Variants in KCNK2 observed in about 807,000 individuals in gnomAD.
KCNK2 encodes potassium two pore domain channel subfamily K member 2.
KCNK2 carries 21 observed loss-of-function variants against 40.5 expected under a neutral mutation model. The observed-to-expected ratio is 0.52, with a 90% CI of 0.37 to 0.75. The LOEUF (loss-of-function observed/expected upper bound fraction) is 0.75, where lower values mean the gene tolerates loss of function less well. Among genes scored for constraint, KCNK2 ranks in the 30% least tolerant of loss-of-function variants. KCNK2 has a pLI of 0.00. For synonymous variants in KCNK2, 191 were observed against 202.2 expected, an observed-to-expected ratio of 0.94 and a Z score of 0.47; for missense variants, 399 against 531.6, an observed-to-expected ratio of 0.75 and a Z score of 2.45.
intron 1 of KCNK2, among the ~76,000 whole-genome samples, chr1:215,037,716 T>A (rs1363793438): frequency 6.6e-6 from 1 of 151,950 alleles, no homozygotes; most frequent in East Asian, 1.9e-4. Flanking sequence ...TAATAATGAA[T>A]ATTAAGATAG....
At chr1:215,140,277 C>G (rs1233424480) in intron 3 of KCNK2, among the ~76,000 whole-genome samples, 4 of 152,210 alleles carry the variant, frequency 2.6e-5, no homozygotes, top group Non-Finnish European at 4.4e-5. Flanking sequence ...CAAGGTGATT[C>G]AGTCATCTAA....
chr1:215,230,752 C>A (rs1666627627), intron 6 of KCNK2, among the ~76,000 whole-genome samples: 1 of 151,518 alleles, frequency 6.6e-6, no homozygotes, highest in South Asian at 2.1e-4. Flanking sequence ...AGGTGAGGCT[C>A]CCATTCATCC....
chr1:215,111,214 T>C (rs141821811), intron 2 of KCNK2, among the ~76,000 whole-genome samples: 2 of 152,240 alleles, frequency 1.3e-5, no homozygotes, highest in Non-Finnish European at 2.9e-5. Context: ...ATGTCTTTTA[T>C]TTCTTTTTCT....
intron 1 of KCNK2, among the ~76,000 whole-genome samples, chr1:215,056,375 A>G (rs1320404990): frequency 2.0e-5 from 3 of 150,992 alleles, no homozygotes; most frequent in Non-Finnish European, 4.4e-5. Flanking sequence ...CACTAAAAAT[A>G]AAAGAAAACT....
chr1:215,146,643 C>A (rs1490278718), intron 3 of KCNK2, among the ~76,000 whole-genome samples: 1 of 152,186 alleles, frequency 6.6e-6, no homozygotes, highest in Non-Finnish European at 1.5e-5. Flanking sequence ...AATGGCATGT[C>A]CCAAACCAGA....
chr1:215,156,695 G>A (rs1298796937), intron 3 of KCNK2, among the ~76,000 whole-genome samples: 1 of 152,132 alleles, frequency 6.6e-6, no homozygotes, highest in Non-Finnish European at 1.5e-5. Context: ...AGCATGACTG[G>A]GATGCCTCAG....
At chr1:215,084,523 A>G (rs1023013667) in intron 1 of KCNK2, among the ~76,000 whole-genome samples, 1 of 152,198 alleles carries the variant, frequency 6.6e-6, no homozygotes, top group Non-Finnish European at 1.5e-5. Context: ...ACTCAGACTC[A>G]CTAAGCAGCT....
At chr1:215,200,059 T>C (rs1389097273) in intron 6 of KCNK2, among the ~76,000 whole-genome samples, 1 of 152,190 alleles carries the variant, frequency 6.6e-6, no homozygotes, top group Admixed American at 6.5e-5. Flanking sequence ...CCACAGTGAA[T>C]TGATAGGCAA....
intron 2 of KCNK2, among the ~76,000 whole-genome samples, chr1:215,104,897 A>G (rs946935950): frequency 6.6e-6 from 1 of 152,036 alleles, no homozygotes; most frequent in African/African-American, 2.4e-5. Context: ...ATATTCTTTC[A>G]TAACCTGATT....
intron 1 of KCNK2, among the ~76,000 whole-genome samples, chr1:215,048,829 A>G (rs1230317781): frequency 6.6e-6 from 1 of 152,190 alleles, no homozygotes; most frequent in Non-Finnish European, 1.5e-5. Flanking sequence ...GTTTGCATGT[A>G]TCAATAGCTT....
intron 2 of KCNK2, among the ~76,000 whole-genome samples, chr1:215,106,732 A>C (rs985178037): frequency 1.3e-5 from 2 of 152,078 alleles, no homozygotes; most frequent in African/African-American, 4.8e-5. Context: ...TTTACTTTTA[A>C]CATTTTAATC....
At chr1:215,194,166 A>G (rs1036816413) in intron 5 of KCNK2, among the ~76,000 whole-genome samples, 5 of 152,196 alleles carry the variant, frequency 3.3e-5, no homozygotes, top group Non-Finnish European at 7.3e-5. Context: ...ATGCCCCCAT[A>G]TTAATGGGGT....
chr1:215,101,662 C>T (rs1660225339), intron 2 of KCNK2, among the ~76,000 whole-genome samples: 2 of 151,940 alleles, frequency 1.3e-5, no homozygotes, highest in African/African-American at 4.8e-5. Context: ...TAGGCAAATA[C>T]AGTCTCATGC....
chr1:215,236,045 A>ATCTATCTATC lies in KCNK2; in HGVS notation c.*900_*901insTCTATCTATC, dbSNP rs1666868480. ...TACATTTTTAAAGGCAGAAGAAGAAAATCTATCTATCTATCTATCTATCTA... is the reference window on the plus strand; with the variant it reads ...TACATTTTTAAAGGCAGAAGAAGAAATCTATCTATCATCTATCTATCTATCTATCTATCTA... On this transcript the variant is annotated 3_prime_UTR_variant, in exon 7 of 7. Coordinates refer to ENST00000444842, the MANE Select transcript of KCNK2 (RefSeq NM_001017425.3). The ATCTATCTATC allele has an allele frequency of 6.9e-6, 1 of 144,404 alleles. No homozygotes were observed. Among genetic ancestry groups the ATCTATCTATC allele is most frequent in the East Asian group, 2.0e-4 (1 of 4,956 alleles). The allele number at this position is 144,404 out of a possible 1,614,324, so 8.9% of individuals were successfully genotyped here. A position where few individuals can be genotyped will look rare whatever the true frequency, so the allele number is the denominator to read the frequency against.
At chr1:215,139,447 A>C (rs555865097) in intron 3 of KCNK2, among the ~76,000 whole-genome samples, 1 of 152,320 alleles carries the variant, frequency 6.6e-6, no homozygotes, top group East Asian at 1.9e-4. Context: ...CATGAATCCC[A>C]TGTTGATGAC....
rs973850325 is a variant in KCNK2 at position 215,074,801 on chromosome 1, C to T, written c.35-11567C>T. 2.8e-4 allele frequency among the ~76,000 whole-genome samples: 42 copies of T among 152,124 alleles called. 1 individual carries two copies. Among genetic ancestry groups the T allele is most frequent in the Admixed American group, 6.6e-5 (1 of 15,264 alleles). On this transcript the variant is annotated intron_variant, in intron 1 of 6. Transcript: ENST00000391895. ...TGCCAGAGGTAAGAAACGTTGAAGTCTAAATATGCTGTGTTCATTTCCTAG... is the reference window on the plus strand; with the variant it reads ...TGCCAGAGGTAAGAAACGTTGAAGTTTAAATATGCTGTGTTCATTTCCTAG...
At chr1:215,093,322 TATATACATATATTAA>T (rs1226244306) in intron 2 of KCNK2, among the ~76,000 whole-genome samples, 3 of 144,060 alleles carry the variant, frequency 2.1e-5, no homozygotes, top group Non-Finnish European at 4.5e-5. Context: ...AACATGAATA[TATATACATATATTAA>T]ATATACATAT....
chr1:215,067,336 C>T (rs895764214), intron 1 of KCNK2, among the ~76,000 whole-genome samples: 5 of 152,082 alleles, frequency 3.3e-5, no homozygotes, highest in Admixed American at 3.3e-4. Context: ...TTAAAAAAGT[C>T]TCTGAGGCTG....
At chr1:215,100,561 T>A (rs1326889315) in intron 2 of KCNK2, among the ~76,000 whole-genome samples, 2 of 151,954 alleles carry the variant, frequency 1.3e-5, no homozygotes, top group African/African-American at 4.8e-5. Flanking sequence ...TTTGCCTCTT[T>A]TAGTTAAAAA....
Sources: allele counts gnomAD v4.1 joint callset (sites outside exome capture counted in the v4.1 genomes callset), GRCh38; gene constraint gnomAD v4.1.1; transcripts MANE v1.5; gene names NCBI Gene and HGNC (gene_info 2026-07-23, HGNC 2026-07-21).